MEF2C: variants seen among roughly 807,000 people sequenced by gnomAD.
MEF2C encodes the protein myocyte-specific enhancer factor 2C.
MEF2C carries 6 observed loss-of-function variants against 50.5 expected under a neutral mutation model. The ratio of observed to expected loss-of-function variants is 0.12; its 90% CI spans 0.07 to 0.23. MEF2C has a LOEUF of 0.23. Among genes scored for constraint, MEF2C ranks in the 10% least tolerant of loss-of-function variants. The probability of loss-of-function intolerance (pLI) is 1.00; values close to 1 mark genes in which losing one functional copy is unlikely to be tolerated. For missense variants in MEF2C, 276 were observed against 605.0 expected (o/e 0.46, Z 5.70); for synonymous variants, 183 against 228.0 (o/e 0.80, Z 1.78).
At chr5:88,768,930 T>C (rs1580377778) in intron 3 of MEF2C, among the ~76,000 whole-genome samples, 2 of 152,314 alleles carry the variant, frequency 1.3e-5, no homozygotes, top group Non-Finnish European at 2.9e-5. Flanking sequence ...TTTACATTAT[T>C]GAACGCTTAA....
intron 2 of MEF2C, among the ~76,000 whole-genome samples, chr5:88,807,941 T>C (rs1013501942): frequency 1.3e-5 from 2 of 152,254 alleles, no homozygotes; most frequent in African/African-American, 2.4e-5. Flanking sequence ...TAATTGTCAG[T>C]GTTTTTCACC....
intron 2 of MEF2C, among the ~76,000 whole-genome samples, chr5:88,821,144 C>T (rs1335077533): frequency 6.6e-6 from 1 of 151,904 alleles, no homozygotes; most frequent in African/African-American, 2.4e-5. Context: ...TTTTCTTCTT[C>T]TAAAGTTATT....
chr5:88,844,802 T>C, intron 1 of MEF2C: 1 of 154,692 alleles, frequency 6.5e-6, no homozygotes, highest in Non-Finnish European at 1.4e-5. Flanking sequence ...AATTTTCCAT[T>C]TGGTGTATGT....
At chr5:88,769,217 A>T (rs1166318767) in intron 3 of MEF2C, among the ~76,000 whole-genome samples, 1 of 152,230 alleles carries the variant, frequency 6.6e-6, no homozygotes, top group Non-Finnish European at 1.5e-5. Context: ...GCATGCTTTC[A>T]AATTCTTGGG....
intron 10 of MEF2C, among the ~76,000 whole-genome samples, chr5:88,724,652 T>C (rs544779058): frequency 4.1e-4 from 63 of 152,282 alleles, no homozygotes; most frequent in African/African-American, 1.4e-3. Context: ...ATCAGTTTAC[T>C]AATTTTCCAA....
intron 1 of MEF2C, chr5:88,824,423 A>G: frequency 1.1e-6 from 1 of 870,264 alleles, no homozygotes; most frequent in Non-Finnish European, 1.4e-6. Flanking sequence ...CGATTATGAA[A>G]GTGCTATTTG....
chr5:88,837,984 C>T (rs1047780761), intron 1 of MEF2C, among the ~76,000 whole-genome samples: 27 of 152,136 alleles, frequency 1.8e-4, no homozygotes, highest in African/African-American at 6.5e-4. Context: ...GGCTGGAGGA[C>T]AGAGTGGTTA....
Position 88,797,454 on chromosome 5 carries a change from CCTTTTTTTTTTT to C in MEF2C, c.258+7132_258+7143del, listed in dbSNP as rs1180055510. Among the ~76,000 whole-genome samples the C allele has an allele frequency of 1.1e-3, 29 of 25,220 alleles. 1 individual carries two copies. The highest frequency in any genetic ancestry group is 6.1e-3 in the Admixed American group (16 of 2,644). The allele number at this position is 25,220 out of a possible 152,430, so 16.5% of individuals were successfully genotyped here. A position where few individuals can be genotyped will look rare whatever the true frequency, so the allele number is the denominator to read the frequency against. On this transcript the variant is annotated intron_variant, in intron 3 of 10. Coordinates refer to ENST00000504921, the MANE Select transcript of MEF2C (RefSeq NM_002397.5). ...TCACAGACTAGGATTGCAACCCTTG[CCTTTTTTTTTTT>C]TTTTTTTTTTTTTTTTGCTTTCCAT... is the stretch of plus-strand genomic sequence containing the variant.
intron 1 of MEF2C, among the ~76,000 whole-genome samples, chr5:88,843,664 T>C (rs746656273): frequency 6.6e-6 from 1 of 152,204 alleles, no homozygotes; most frequent in Non-Finnish European, 1.5e-5. Flanking sequence ...CAAATATCTA[T>C]GACTTTCTCT....
chr5:88,807,244 G>C (rs1314567286), intron 2 of MEF2C, among the ~76,000 whole-genome samples: 1 of 151,998 alleles, frequency 6.6e-6, no homozygotes, highest in Non-Finnish European at 1.5e-5. Flanking sequence ...TTTGTTTTTT[G>C]AGACAGGGTC....
At position 88,867,466 on chromosome 5, in the gene MEF2C, G is replaced by A. The variant is rs894999350; in HGVS notation, c.-143+15489C>T. On this transcript the variant is annotated intron_variant, in intron 1 of 10. Transcript: ENST00000504921. The stretch of plus-strand genomic sequence containing the variant: ...CCTCAGTTTCCTCATCTATATAATC[G>A]GGATAGTAACTGCACCTACCTCATT... Among the ~76,000 whole-genome samples, 7 of 152,122 alleles carry A rather than the reference G, an allele frequency of 4.6e-5. No homozygotes were observed. The East Asian group carries it at 1.2e-3, about 25-fold the overall frequency.
At chr5:88,849,173 T>C (rs1455559593) in intron 1 of MEF2C, among the ~76,000 whole-genome samples, 1 of 140,912 alleles carries the variant, frequency 7.1e-6, no homozygotes, top group Non-Finnish European at 1.6e-5. Flanking sequence ...AAAAAAAAAT[T>C]CTTGTGCCAA....
At chr5:88,776,302 A>G (rs995193288) in intron 3 of MEF2C, among the ~76,000 whole-genome samples, 1 of 152,268 alleles carries the variant, frequency 6.6e-6, no homozygotes, top group Admixed American at 6.5e-5. Flanking sequence ...GCATGATTAA[A>G]TCTAACTAAT....
chr5:88,823,416 C>T (rs917936244), intron 2 of MEF2C, among the ~76,000 whole-genome samples: 2 of 151,890 alleles, frequency 1.3e-5, no homozygotes, highest in African/African-American at 2.4e-5. Context: ...TTTGATGATG[C>T]GTGCAATGTA....
chr5:88,884,342 G>C (rs1833782694), upstream of MEF2C: 1 of 152,214 alleles, frequency 6.6e-6, no homozygotes, highest in African/African-American at 2.4e-5. Context: ...AAAAACCACG[G>C]TCCAGGATGT....
chr5:88,780,425 A>G (rs935149083), intron 3 of MEF2C, among the ~76,000 whole-genome samples: 1 of 152,188 alleles, frequency 6.6e-6, no homozygotes, highest in Non-Finnish European at 1.5e-5. Flanking sequence ...CAGAGTGTGA[A>G]AAAGGTATGG....
intron 1 of MEF2C, among the ~76,000 whole-genome samples, chr5:88,902,540 T>G (rs1441550325): frequency 4.0e-5 from 6 of 149,456 alleles, no homozygotes; most frequent in Non-Finnish European, 6.0e-5. Context: ...TCAACAGCAA[T>G]TACAACAGTT....
At chr5:88,732,114 A>G (rs1329201549) in intron 6 of MEF2C, among the ~76,000 whole-genome samples, 1 of 152,180 alleles carries the variant, frequency 6.6e-6, no homozygotes, top group East Asian at 1.9e-4. Context: ...ATGAGAAGAG[A>G]GCCAATATAC....
intron 2 of MEF2C, among the ~76,000 whole-genome samples, chr5:88,823,099 T>A (rs1809197975): frequency 2.6e-5 from 4 of 151,948 alleles, no homozygotes; most frequent in Admixed American, 1.3e-4. Context: ...CACACAGACA[T>A]TATCATTGGC....
Sources: allele counts gnomAD v4.1 joint callset (sites outside exome capture counted in the v4.1 genomes callset), GRCh38; gene constraint gnomAD v4.1.1; transcripts MANE v1.5; gene names NCBI Gene and HGNC (gene_info 2026-07-23, HGNC 2026-07-21).